Variants in TBC1D24 observed in about 807,000 individuals in gnomAD.
TBC1D24 encodes the protein Infantile myoclonic epilepsy.
Under a neutral mutation model 50.7 loss-of-function variants are expected in TBC1D24, and 47 were observed. The observed-to-expected ratio is 0.93, with a 90% CI of 0.73 to 1.18. The LOEUF is 1.18. Among genes scored for constraint, TBC1D24 ranks in the 50% most tolerant of loss-of-function variants. TBC1D24 has a pLI of 0.00. For missense variants in TBC1D24, 688 were observed against 766.5 expected (o/e 0.90, Z 1.21); for synonymous variants, 324 against 335.2 (o/e 0.97, Z 0.36).
intron 1 of TBC1D24, among the ~76,000 whole-genome samples, chr16:2,488,803 G>A (rs958976815): frequency 1.9e-4 from 27 of 143,470 alleles, no homozygotes; most frequent in Non-Finnish European, 3.5e-4. Flanking sequence ...GCTCACGCCT[G>A]TAATCCCAGC....
chr16:2,500,123 A>T lies in TBC1D24; in HGVS notation c.1303-145A>T. On this transcript the variant is annotated intron_variant, in intron 6 of 7. Transcript: ENST00000646147. The surrounding 1 kb of genome is among the most constrained non-coding windows in gnomAD (Gnocchi z 8.0). ...CGGGGCAGGGGGCTTCATCTGCTCGAGCCACCAGCTCCCCAGCCCCTGGCT... is the reference window on the plus strand; with the variant it reads ...CGGGGCAGGGGGCTTCATCTGCTCGTGCCACCAGCTCCCCAGCCCCTGGCT... 1 of 965,170 alleles carries T rather than the reference A, an allele frequency of 1.0e-6. No individual in the cohort carries two copies. The highest frequency in any genetic ancestry group is 1.6e-6 in the Non-Finnish European group (1 of 618,878). 59.8% of individuals were successfully genotyped at this position (965,170 alleles called of 1,614,324 possible). A position where few individuals can be genotyped will look rare whatever the true frequency, so the allele number is the denominator to read the frequency against.
In TBC1D24 at chr16:2,487,082, C is replaced by T. The variant is rs1164111888; in HGVS notation, c.-115-8952C>T. 1.3e-5 allele frequency among the ~76,000 whole-genome samples: 2 copies of T among 152,266 alleles called. No individual in the cohort carries two copies. The highest frequency in any genetic ancestry group is 2.9e-5 in the Non-Finnish European group (2 of 68,046). The stretch of plus-strand genomic sequence containing the variant: ...CCGTGTGGGGACACCCGCCTCTTAG[C>T]GCATCCCAGCCCCTCAGCACTGCCA... On this transcript the variant is annotated intron_variant, in intron 1 of 7. Transcript: ENST00000646147. This position sits in a 1 kb window ranked among gnomAD's most constrained non-coding sequence, Gnocchi z 4.1.
chr16:2,489,180 C>G (rs2065676263), intron 1 of TBC1D24, among the ~76,000 whole-genome samples: 2 of 151,926 alleles, frequency 1.3e-5, no homozygotes, highest in African/African-American at 4.8e-5. Context: ...GCCTGTAATC[C>G]CAGCACTTTG....
chr16:2,493,366 C>G (rs1367246172), intron 1 of TBC1D24, among the ~76,000 whole-genome samples: 1 of 152,006 alleles, frequency 6.6e-6, no homozygotes, highest in African/African-American at 2.4e-5. Flanking sequence ...GTCTCGATCT[C>G]CTGACCTCGT....
At position 2,500,554 on chromosome 16, in the gene TBC1D24, A is replaced by G. The variant is rs1000334597; in HGVS notation, c.1525+64A>G. ...GGGTCCGGGCAGCTGAAGCTGCTGC[A>G]CCCAGCCCTCCCTGACCGGGGTGGC... On this transcript the variant is annotated intron_variant, in intron 7 of 7. Transcript: ENST00000646147. The surrounding 1 kb of genome is among the most constrained non-coding windows in gnomAD (Gnocchi z 8.0). 16 of 1,489,368 alleles carry G rather than the reference A, an allele frequency of 1.1e-5. No individual in the cohort carries two copies. In the African/African-American group the frequency reaches 1.9e-4, roughly 18 times the overall value. 92.3% of individuals were successfully genotyped at this position (1,489,368 alleles called of 1,614,324 possible).
rs763670146 is a variant in TBC1D24 at position 2,496,693 on chromosome 16, C to T, written c.545C>T (p.Thr182Met). The T allele has an allele frequency of 8.1e-6, 13 of 1,613,378 alleles. No individual in the cohort carries two copies. Among genetic ancestry groups the T allele is most frequent in the South Asian group, 2.2e-5 (2 of 91,086 alleles). Reference sequence around the variant, plus strand: ...CTGGCCTTTGAGTCGTCCTGCATGACGTTTGGGGACCTGGTGAACAAGTAC... The same window carrying T: ...CTGGCCTTTGAGTCGTCCTGCATGATGTTTGGGGACCTGGTGAACAAGTAC... ...SFLAFESSCM[T>M]FGDLVNKYCQ... Residue 182 changes from threonine (T) to methionine (M), a missense_variant, in exon 2 of 8, where the codon ACG becomes ATG. Transcript: ENST00000646147.
At position 2,501,590 on chromosome 16, in the gene TBC1D24, C is replaced by T. The variant is rs1205561862; in HGVS notation, c.*632C>T. The T allele has an allele frequency of 6.5e-6, 1 of 152,826 alleles. No homozygotes were observed. The highest frequency in any genetic ancestry group is 1.9e-4 in the East Asian group (1 of 5,182). The allele number at this position is 152,826 out of a possible 1,614,324, so 9.5% of individuals were successfully genotyped here. A position where few individuals can be genotyped will look rare whatever the true frequency, so the allele number is the denominator to read the frequency against. ...ACCCTTCTTGGCTGCCTCTGAGGCTCCCCTGGGCTGCGTTTGGGAGCTGCT... is the reference window on the plus strand; with the variant it reads ...ACCCTTCTTGGCTGCCTCTGAGGCTTCCCTGGGCTGCGTTTGGGAGCTGCT... On this transcript the variant is annotated 3_prime_UTR_variant, in exon 8 of 8. Transcript: ENST00000646147.
At chr16:2,489,821 C>T (rs140006438) in intron 1 of TBC1D24, among the ~76,000 whole-genome samples, 3,664 of 152,336 alleles carry the variant, frequency 0.024, 60 homozygotes, top group Non-Finnish European at 0.036. Context: ...CGGTCCTGGC[C>T]GGCCGGGCTG....
chr16:2,486,444 CAG>C lies in TBC1D24; in HGVS notation c.-115-9588_-115-9587del, dbSNP rs2141859329. ...GGCCCGTGACTGAGGTCCAGCCACA[CAG>C]AACCCCGCGTCCTTGATAGCTTGTC... On this transcript the variant is annotated intron_variant, in intron 1 of 7. Transcript: ENST00000646147. The surrounding 1 kb of genome is among the most constrained non-coding windows in gnomAD (Gnocchi z 5.8). Among the ~76,000 whole-genome samples, 1 of 152,374 alleles carries C rather than the reference CAG, an allele frequency of 6.6e-6. No homozygotes were observed. The highest frequency in any genetic ancestry group is 2.1e-4 in the South Asian group (1 of 4,830).
At position 2,487,761 on chromosome 16, in the gene TBC1D24, C is replaced by A. The variant is rs1002169844; in HGVS notation, c.-115-8273C>A. Among the ~76,000 whole-genome samples the A allele has an allele frequency of 6.6e-6, 1 of 151,970 alleles. No individual in the cohort carries two copies. The highest frequency in any genetic ancestry group is 1.5e-5 in the Non-Finnish European group (1 of 67,982). On this transcript the variant is annotated intron_variant, in intron 1 of 7. Transcript: ENST00000646147. This position sits in a 1 kb window ranked among gnomAD's most constrained non-coding sequence, Gnocchi z 4.1. ...GTGGTGTTACTAGTGGCAGCCTTGCCGGGGTGGCCTGTGTCTCCAGGACTC... is the reference window on the plus strand; with the variant it reads ...GTGGTGTTACTAGTGGCAGCCTTGCAGGGGTGGCCTGTGTCTCCAGGACTC...
At position 2,500,042 on chromosome 16, in the gene TBC1D24, A is replaced by T; in HGVS notation, c.1302+112A>T. ...TTGGGTGTCGCCATGGCAGTCACCCAGCAGCGTCATCGCCCTGTGTGCTTC... is the reference window on the plus strand; with the variant it reads ...TTGGGTGTCGCCATGGCAGTCACCCTGCAGCGTCATCGCCCTGTGTGCTTC... On this transcript the variant is annotated intron_variant, in intron 6 of 7. Coordinates refer to ENST00000646147, the MANE Select transcript of TBC1D24 (RefSeq NM_001199107.2). This position sits in a 1 kb window ranked among gnomAD's most constrained non-coding sequence, Gnocchi z 8.0. The T allele has an allele frequency of 4.7e-6, 5 of 1,068,584 alleles. No homozygotes were observed. Among genetic ancestry groups the T allele is most frequent in the Non-Finnish European group, 7.3e-6 (5 of 686,144 alleles). 66.2% of individuals were successfully genotyped at this position (1,068,584 alleles called of 1,614,324 possible).
Position 2,485,197 on chromosome 16 carries a change from T to C in TBC1D24, c.-116+10027T>C, listed in dbSNP as rs1241499140. 6.6e-6 allele frequency: 1 copy of C among 152,224 alleles called. No homozygotes were observed. Among genetic ancestry groups the C allele is most frequent in the Non-Finnish European group, 1.5e-5 (1 of 68,076 alleles). The allele number at this position is 152,224 out of a possible 1,614,324, so 9.4% of individuals were successfully genotyped here. A position where few individuals can be genotyped will look rare whatever the true frequency, so the allele number is the denominator to read the frequency against. Reference sequence around the variant, plus strand: ...CTTTCTGTGCGCTGGTGTTGACTGATAGCTTCCGGGTGGCGCTGGTCACTG... The same window carrying C: ...CTTTCTGTGCGCTGGTGTTGACTGACAGCTTCCGGGTGGCGCTGGTCACTG... On this transcript the variant is annotated intron_variant, in intron 1 of 7. Coordinates refer to ENST00000646147, the MANE Select transcript of TBC1D24 (RefSeq NM_001199107.2). This position sits in a 1 kb window ranked among gnomAD's most constrained non-coding sequence, Gnocchi z 4.6.
At position 2,475,677 on chromosome 16, in the gene TBC1D24, G is replaced by A. The variant is rs904312814; in HGVS notation, c.-116+507G>A. 2.8e-4 allele frequency among the ~76,000 whole-genome samples: 42 copies of A among 150,156 alleles called. No homozygotes were observed. Among genetic ancestry groups the A allele is most frequent in the African/African-American group, 1.0e-3 (41 of 40,096 alleles). On this transcript the variant is annotated intron_variant, in intron 1 of 7. Transcript: ENST00000646147. The surrounding 1 kb of genome is among the most constrained non-coding windows in gnomAD (Gnocchi z 4.2). ...CCGCTTGGGGGTCCGCCAGCCCCCG[G>A]CCCTGTCCAGTGGGGGGCCCCTCTG...
At chr16:2,493,689 A>G (rs758840530) in intron 1 of TBC1D24, 1 of 152,194 alleles carries the variant, frequency 6.6e-6, no homozygotes, top group Non-Finnish European at 1.5e-5. Context: ...GGGAACTTCT[A>G]CCATCCCAGG....
intron 3 of TBC1D24, among the ~76,000 whole-genome samples, 196 bp downstream of exon 3, chr16:2,497,923 T>C (rs1487138561): frequency 1.3e-5 from 2 of 152,136 alleles, no homozygotes; most frequent in African/African-American, 2.4e-5. Context: ...TCTGTCATGC[T>C]ATCTGCTGGT....
chr16:2,498,051 G>C (rs1393362327), intron 3 of TBC1D24, among the ~76,000 whole-genome samples, 187 bp from the exon 4 acceptor site: 1 of 152,230 alleles, frequency 6.6e-6, no homozygotes, highest in Non-Finnish European at 1.5e-5. Context: ...TAATGGGTGG[G>C]AGGTGGGGCT....
rs1242712956 is a variant in TBC1D24, at chr16:2,504,026, T to C, written c.*3068T>C. The C allele has an allele frequency of 2.0e-5, 3 of 152,216 alleles. No homozygotes were observed. Among genetic ancestry groups the C allele is most frequent in the South Asian group, 4.1e-4 (2 of 4,838 alleles). The allele number at this position is 152,216 out of a possible 1,614,324, so 9.4% of individuals were successfully genotyped here. ...AAATCAGTTTAAGCAAAAGAACTTA[T>C]GAGAGTAAGTCATTTGTACTTGAAT... On this transcript the variant is annotated 3_prime_UTR_variant, in exon 8 of 8. Coordinates refer to ENST00000646147, the MANE Select transcript of TBC1D24 (RefSeq NM_001199107.2).
Position 2,500,015 on chromosome 16 carries a change from T to C in TBC1D24, c.1302+85T>C, listed in dbSNP as rs371641346. 1 of 1,282,000 alleles carries C rather than the reference T, an allele frequency of 7.8e-7. No individual in the cohort carries two copies. Among genetic ancestry groups the C allele is most frequent in the South Asian group, 1.2e-5 (1 of 84,226 alleles). The allele number at this position is 1,282,000 out of a possible 1,614,324, so 79.4% of individuals were successfully genotyped here. ...GAGCACCCGCCTGCCCTGGGGACAC[T>C]GTTGGGTGTCGCCATGGCAGTCACC... On this transcript the variant is annotated intron_variant, in intron 6 of 7. Coordinates refer to ENST00000646147, the MANE Select transcript of TBC1D24 (RefSeq NM_001199107.2). The surrounding 1 kb of genome is among the most constrained non-coding windows in gnomAD (Gnocchi z 8.0).
intron 1 of TBC1D24, among the ~76,000 whole-genome samples, chr16:2,488,216 G>A (rs1275384207): frequency 6.6e-6 from 1 of 152,222 alleles, no homozygotes; most frequent in East Asian, 1.9e-4. Context: ...GTTTCTTGGA[G>A]CTCCCATGGA....
Sources: gnomAD v4.1 joint callset for allele counts (sites outside exome capture counted in the v4.1 genomes callset) on GRCh38, gnomAD v4.1.1 for gene constraint, Gnocchi (gnomAD v3.1) non-coding constraint, MANE v1.5 for transcripts, NCBI Gene and HGNC (gene_info 2026-07-23, HGNC 2026-07-21) for gene names.